The following THUMPD3 variants were observed in gnomAD, a reference collection of about 807,000 sequenced individuals.
THUMPD3 encodes the protein THUMP domain 3 tRNA guanosine methyltransferase, also known as tRNA (guanine(6)-N(2))-methyltransferase THUMP3.
A neutral mutation model predicts 54.5 loss-of-function variants in THUMPD3; 44 were observed. That is an observed-to-expected ratio of 0.81 (90% CI 0.63 to 1.04). The LOEUF (loss-of-function observed/expected upper bound fraction) is 1.04, where lower values mean the gene tolerates loss of function less well. Ranked by LOEUF, THUMPD3 falls within the 50% of genes least tolerant of loss-of-function variation. THUMPD3 has a pLI of 0.00. For synonymous variants in THUMPD3, 196 were observed against 201.4 expected (o/e 0.97, Z 0.23); for missense variants, 604 against 601.3 (o/e 1.00, Z -0.05).
chr3:9,366,844 A>G lies in THUMPD3; in HGVS notation c.253-64A>G, dbSNP rs550295933. The stretch of plus-strand genomic sequence containing the variant: ...TCATTCCTAATTTTTTAAATACTTA[A>G]TTGTTGATAGCTTGTGCTGTTCAAA... On this transcript the variant is annotated intron_variant, in intron 2 of 9. Coordinates refer to ENST00000452837, the MANE Select transcript of THUMPD3 (RefSeq NM_001114092.2). 37 of 1,311,282 alleles carry G rather than the reference A, an allele frequency of 2.8e-5. No individual in the cohort carries two copies. The East Asian group carries it at 8.5e-4, about 30-fold the overall frequency. 81.2% of individuals were successfully genotyped at this position (1,311,282 alleles called of 1,614,324 possible). A position where few individuals can be genotyped will look rare whatever the true frequency, so the allele number is the denominator to read the frequency against.
intron 5 of THUMPD3, among the ~76,000 whole-genome samples, chr3:9,375,148 C>T (rs2255558): frequency 0.56 from 85,479 of 152,054 alleles, 24,475 homozygotes; most frequent in South Asian, 0.76. Context: ...TAAGCCACCG[C>T]GCCCGGTTTT....
chr3:9,369,895 T>C (rs2031895591), intron 3 of THUMPD3, among the ~76,000 whole-genome samples: 1 of 152,240 alleles, frequency 6.6e-6, no homozygotes, highest in East Asian at 1.9e-4. Flanking sequence ...CTTTACTTTT[T>C]TCATATGCCT....
At chr3:9,382,734 CCT>C (rs1178830535) in intron 7 of THUMPD3, among the ~76,000 whole-genome samples, 1 of 152,020 alleles carries the variant, frequency 6.6e-6, no homozygotes, top group Non-Finnish European at 1.5e-5. Context: ...AGTTTGTTTC[CCT>C]TTTTTCTGAG....
rs905000710 is a variant in THUMPD3, at chr3:9,386,640, C to T, written c.*1952C>T. 6.6e-6 allele frequency: 1 copy of T among 152,050 alleles called. No individual in the cohort carries two copies. Among genetic ancestry groups the T allele is most frequent in the African/African-American group, 2.4e-5 (1 of 41,380 alleles). 9.4% of individuals were successfully genotyped at this position (152,050 alleles called of 1,614,324 possible). On this transcript the variant is annotated 3_prime_UTR_variant, in exon 10 of 10. Transcript: ENST00000452837. ...TCTGGTGACTAGAATAGGCAGTGGG[C>T]TATAAGCAGGATTCATAAGGCCTGG... is the stretch of plus-strand genomic sequence containing the variant.
intron 9 of THUMPD3, 25 bp downstream of exon 9, chr3:9,384,360 C>G: frequency 6.3e-7 from 1 of 1,599,944 alleles, no homozygotes; most frequent in Non-Finnish European, 8.5e-7. Context: ...AGCTCAAAAT[C>G]GCAGCCTGTG....
In THUMPD3 at chr3:9,366,968, C is replaced by T; in HGVS notation, c.313C>T (p.Gln105Ter). ...GGTGGTTCAGGAGTTTCAAGATTAC[C>T]AGTTCAAACAAACAAAGGTGAGCTA... ...FVVVQEFQDY[Q>*]FKQTKEEVLK... The change falls in exon 3 of 10, where the codon CAG (glutamine) becomes TAG (stop). Residue 105 changes from glutamine to a stop codon, truncating the protein, a stop_gained. Coordinates refer to ENST00000452837, the MANE Select transcript of THUMPD3 (RefSeq NM_001114092.2). LOFTEE classifies it high-confidence loss of function. The T allele has an allele frequency of 6.2e-7, 1 of 1,613,322 alleles. No homozygotes were observed. Among genetic ancestry groups the T allele is most frequent in the Admixed American group, 1.7e-5 (1 of 59,890 alleles).
chr3:9,384,433 C>T (rs2033179407), intron 9 of THUMPD3, 91 bp from the exon 10 acceptor site: 4 of 1,600,840 alleles, frequency 2.5e-6, no homozygotes, highest in Non-Finnish European at 3.4e-6. Flanking sequence ...TTTTCTCTTC[C>T]CCTGAGGTTT....
intron 1 of THUMPD3, chr3:9,363,538 C>CT (rs1553584759): frequency 4.6e-5 from 7 of 152,102 alleles, no homozygotes; most frequent in African/African-American, 1.7e-4. Context: ...ATTCTGTACT[C>CT]AATTAAGTTA....
At chr3:9,384,125 A>G in intron 8 of THUMPD3, 87 bp from the exon 9 acceptor site, 2 of 1,404,994 alleles carry the variant, frequency 1.4e-6, no homozygotes, top group Non-Finnish European at 1.9e-6. Context: ...TTCATGCCTC[A>G]GGATGCATGA....
chr3:9,374,398 G>GT, intron 4 of THUMPD3, 118 bp from the exon 5 acceptor site: 2 of 1,250,584 alleles, frequency 1.6e-6, no homozygotes, highest in Non-Finnish European at 2.2e-6. Context: ...CCTCCCAGGA[G>GT]TAGGGGACCA....
At position 9,384,539 on chromosome 3, in the gene THUMPD3, C is replaced by G; in HGVS notation, c.1375C>G (p.Arg459Gly). 6.2e-7 allele frequency: 1 copy of G among 1,614,162 alleles called. No homozygotes were observed. The highest frequency in any genetic ancestry group is 1.1e-5 in the South Asian group (1 of 91,086). Residue 459 changes from arginine to glycine, a missense_variant, in exon 10 of 10, where the codon CGA becomes GGA. Transcript: ENST00000452837. ...GTGTACACAGGCGTTATCTGGAATG[C>G]GACACGTATGGCGAAAGGTGGATAC... ...KCFTKALSGM[R>G]HVWRKVDTVW...
At chr3:9,363,275 C>G (rs866134482) in intron 1 of THUMPD3, 148 bp downstream of exon 1, 2 of 152,238 alleles carry the variant, frequency 1.3e-5, no homozygotes, top group Non-Finnish European at 2.9e-5. Context: ...TGCTCCCTCT[C>G]CCAGGCCTTT....
chr3:9,368,165 C>G (rs1055167076), intron 3 of THUMPD3, among the ~76,000 whole-genome samples: 1 of 152,014 alleles, frequency 6.6e-6, no homozygotes, highest in African/African-American at 2.4e-5. Flanking sequence ...CTTAAGTATT[C>G]AGATGATAAT....
chr3:9,371,794 T>A (rs889646929), intron 4 of THUMPD3, among the ~76,000 whole-genome samples: 3 of 152,246 alleles, frequency 2.0e-5, no homozygotes, highest in African/African-American at 7.2e-5. Flanking sequence ...GAAGGATAAA[T>A]GAGGTACATT....
At chr3:9,373,235 G>A (rs1429980720) in intron 4 of THUMPD3, among the ~76,000 whole-genome samples, 2 of 152,184 alleles carry the variant, frequency 1.3e-5, no homozygotes, top group African/African-American at 2.4e-5. Flanking sequence ...ACACACACCT[G>A]TAATCCCAGC....
chr3:9,367,120 A>G (rs867494681), intron 3 of THUMPD3, 135 bp downstream of exon 3: 3 of 610,296 alleles, frequency 4.9e-6, no homozygotes, highest in Middle Eastern at 3.9e-4. Flanking sequence ...TTTTACAGTA[A>G]AATCTAGAGT....
intron 6 of THUMPD3, 108 bp downstream of exon 6, chr3:9,377,996 C>T: frequency 1.1e-6 from 1 of 882,810 alleles, no homozygotes. Context: ...TCAGTGGACC[C>T]AAGAGTTTTA....
At chr3:9,384,109 C>A in intron 8 of THUMPD3, 103 bp from the exon 9 acceptor site, 2 of 1,268,384 alleles carry the variant, frequency 1.6e-6, no homozygotes, top group Non-Finnish European at 2.2e-6. Context: ...AAAACTACAG[C>A]TATTTTTCAT....
Position 9,371,309 on chromosome 3 carries a change from A to G in THUMPD3, c.580A>G (p.Lys194Glu), listed in dbSNP as rs768445014. The G allele has an allele frequency of 1.2e-6, 2 of 1,614,126 alleles. No individual in the cohort carries two copies. The highest frequency in any genetic ancestry group is 1.7e-5 in the Admixed American group (1 of 60,028). ...ILDYYENPAI[K>E]EDVSTLIGDD... ...AGATTATTATGAAAATCCAGCCATC[A>G]AAGAGGATGTATCAACATTAATAGG... The change falls in exon 4 of 10, where the codon AAA becomes GAA. Residue 194 changes from lysine (K) to glutamate (E), a missense_variant. Lys to Glu is a moderately conservative substitution (Grantham distance 56, BLOSUM62 1). Coordinates refer to ENST00000452837, the MANE Select transcript of THUMPD3 (RefSeq NM_001114092.2).
Sources: allele counts gnomAD v4.1 joint callset (sites outside exome capture counted in the v4.1 genomes callset), GRCh38; gene constraint gnomAD v4.1.1; transcripts MANE v1.5; gene names NCBI Gene and HGNC (gene_info 2026-07-23, HGNC 2026-07-21).